The following CIMAP1B variants were observed in gnomAD, a reference collection of about 807,000 sequenced individuals.
CIMAP1B encodes orf2 5' to PD-ECGF/TP.
chr22:50,531,399 T>C, the CIMAP1B span: 1 of 1,132,048 alleles, frequency 8.8e-7, no homozygotes, highest in Non-Finnish European at 1.3e-6. Context: ...CCACGATTTA[T>C]CAAAGCCCCG....
chr22:50,531,749 C>A, the CIMAP1B span: 1 of 1,370,582 alleles, frequency 7.3e-7, no homozygotes. Flanking sequence ...GGCGCGCGGC[C>A]GCGACGGGTC....
the CIMAP1B span, chr22:50,532,278 G>A: frequency 2.8e-6 from 2 of 726,596 alleles, no homozygotes; most frequent in Admixed American, 4.4e-5. Flanking sequence ...GCTTGGGGCC[G>A]GGAGCGGATC....
the CIMAP1B span, chr22:50,531,525 G>GA: frequency 1.4e-5 from 19 of 1,400,062 alleles, no homozygotes; most frequent in African/African-American, 2.7e-4. Context: ...GGCCTCCCTG[G>GA]AGGCAGTTCG....
the CIMAP1B span, chr22:50,530,613 C>G: frequency 6.4e-7 from 1 of 1,565,520 alleles, no homozygotes; most frequent in African/African-American, 1.4e-5. Flanking sequence ...CTCTCCGCGC[C>G]GGGACCCCTG....
At chr22:50,532,243 C>T in the CIMAP1B span, 6 of 1,003,852 alleles carry the variant, frequency 6.0e-6, no homozygotes, top group South Asian at 1.7e-4. Context: ...AAAACAAACG[C>T]GAGCTTCCTT....
chr22:50,531,419 G>T, the CIMAP1B span: 1 of 1,092,928 alleles, frequency 9.1e-7, no homozygotes, highest in South Asian at 1.6e-5. Context: ...GTGGGGTTCG[G>T]GGTTTGGGAT....
the CIMAP1B span, chr22:50,531,645 C>T: frequency 1.9e-5 from 26 of 1,378,326 alleles, no homozygotes; most frequent in Non-Finnish European, 2.4e-5. Flanking sequence ...CCGTCGGTGC[C>T]GCGCACGGTC....
the CIMAP1B span, chr22:50,531,080 G>T: frequency 1.2e-6 from 2 of 1,601,214 alleles, no homozygotes; most frequent in African/African-American, 2.7e-5. Flanking sequence ...GCAGGGCTCG[G>T]GGGTAGTGGG....
At chr22:50,531,735 C>CG in the CIMAP1B span, 3 of 1,367,382 alleles carry the variant, frequency 2.2e-6, no homozygotes, top group East Asian at 6.1e-5. Flanking sequence ...AAGGTGAAGG[C>CG]GGGGGCGCGC....
At chr22:50,531,288 G>A in the CIMAP1B span, 5 of 1,608,122 alleles carry the variant, frequency 3.1e-6, no homozygotes, top group South Asian at 3.3e-5. Context: ...GCTCCGGGAA[G>A]TACCTGCCTG....
At chr22:50,530,713 T>G in the CIMAP1B span, 1 of 1,611,840 alleles carries the variant, frequency 6.2e-7, no homozygotes, top group South Asian at 1.1e-5. Flanking sequence ...CCAGGCCACC[T>G]GATCCACGTT....
chr22:50,532,072 G>T, the CIMAP1B span: 1 of 1,368,414 alleles, frequency 7.3e-7, no homozygotes, highest in African/African-American at 1.5e-5. Context: ...AGGCGTCCGA[G>T]CCCATAGCGC....
chr22:50,530,462 C>A, the CIMAP1B span: 2 of 1,581,008 alleles, frequency 1.3e-6, no homozygotes, highest in African/African-American at 2.7e-5. Context: ...ACGTGTGGGG[C>A]CGCTCCCGCC....
the CIMAP1B span, chr22:50,530,593 G>C: frequency 6.4e-7 from 1 of 1,568,568 alleles, no homozygotes; most frequent in Admixed American, 1.9e-5. Context: ...GACCTCGCGG[G>C]GCCGGCATCC....
At chr22:50,530,570 C>T in the CIMAP1B span, 3 of 1,581,454 alleles carry the variant, frequency 1.9e-6, no homozygotes, top group African/African-American at 1.3e-5. Context: ...GCTGCGGGCC[C>T]GGAGACACCG....
At chr22:50,531,044 T>A in the CIMAP1B span, 1 of 1,610,136 alleles carries the variant, frequency 6.2e-7, no homozygotes, top group Non-Finnish European at 8.5e-7. Flanking sequence ...GAGGGCACCG[T>A]ATAGGCCGCG....
the CIMAP1B span, chr22:50,532,432 G>A: frequency 4.7e-6 from 1 of 213,488 alleles, no homozygotes; most frequent in Non-Finnish European, 9.3e-6. Context: ...AGGGTGCCCC[G>A]GGAAGGGCCT....
the CIMAP1B span, chr22:50,530,453 C>T: frequency 6.4e-7 from 1 of 1,572,360 alleles, no homozygotes; most frequent in Non-Finnish European, 8.6e-7. Flanking sequence ...TAAGCAAACA[C>T]GTGTGGGGCC....
the CIMAP1B span, chr22:50,531,887 G>A: frequency 6.1e-6 from 8 of 1,310,536 alleles, no homozygotes; most frequent in Admixed American, 1.2e-4. Context: ...GTTCAGCCCC[G>A]AGCGCAGGCC....
Sources: gnomAD v4.1 joint callset for allele counts on GRCh38, gnomAD v4.1.1 for gene constraint, MANE v1.5 for transcripts, NCBI Gene and HGNC (gene_info 2026-07-23, HGNC 2026-07-21) for gene names.